ADGRL2: variants seen among roughly 807,000 people sequenced by gnomAD.
ADGRL2 encodes the protein calcium-independent alpha-latrotoxin receptor 2.
In ADGRL2, 44 loss-of-function variants were observed where a neutral mutation model predicts 157.4. The ratio of observed to expected loss-of-function variants is 0.28; its 90% CI spans 0.22 to 0.36. ADGRL2 has a LOEUF of 0.36. Ranked by LOEUF, ADGRL2 falls within the 10% of genes least tolerant of loss-of-function variation. The pLI is 1.00. For synonymous variants in ADGRL2, 585 were observed against 624.7 expected (o/e 0.94, Z 0.95); for missense variants, 1,510 against 1,768.9 (o/e 0.85, Z 2.63).
chr1:81,455,160 C>G (rs2077778160), intron 2 of ADGRL2, among the ~76,000 whole-genome samples: 1 of 152,184 alleles, frequency 6.6e-6, no homozygotes, highest in Non-Finnish European at 1.5e-5. Flanking sequence ...GAAACTTTGA[C>G]TCGTTTTATT....
chr1:81,452,382 G>C (rs1041624850), intron 2 of ADGRL2, among the ~76,000 whole-genome samples: 3 of 152,062 alleles, frequency 2.0e-5, no homozygotes, highest in Non-Finnish European at 4.4e-5. Context: ...GACTCTCATG[G>C]GAGAAACAGC....
At chr1:81,439,942 A>G (rs899220793) in intron 1 of ADGRL2, among the ~76,000 whole-genome samples, 2 of 152,226 alleles carry the variant, frequency 1.3e-5, no homozygotes, top group Admixed American at 1.3e-4. Flanking sequence ...AAATGGCTCT[A>G]AAAGGCTGTC....
intron 1 of ADGRL2, among the ~76,000 whole-genome samples, chr1:81,811,076 T>A (rs939877145): frequency 1.3e-5 from 2 of 151,860 alleles, no homozygotes; most frequent in Non-Finnish European, 2.9e-5. Context: ...TTACGGGTTT[T>A]AAACTAGATC....
intron 2 of ADGRL2, among the ~76,000 whole-genome samples, chr1:81,533,669 C>T (rs1247455258): frequency 6.6e-6 from 1 of 152,170 alleles, no homozygotes; most frequent in African/African-American, 2.4e-5. Flanking sequence ...TCTGAACAAT[C>T]TTAATATCAG....
At chr1:81,982,965 T>C (rs1266597323) in intron 19 of ADGRL2, among the ~76,000 whole-genome samples, 2 of 152,002 alleles carry the variant, frequency 1.3e-5, no homozygotes, top group East Asian at 3.9e-4. Context: ...TGATGTGTTA[T>C]TTAATAACAA....
intron 2 of ADGRL2, among the ~76,000 whole-genome samples, chr1:81,547,832 A>C (rs1166682266): frequency 6.6e-6 from 1 of 152,194 alleles, no homozygotes; most frequent in Non-Finnish European, 1.5e-5. Flanking sequence ...TTAAGGGATA[A>C]GTGTCAGTGC....
intron 2 of ADGRL2, among the ~76,000 whole-genome samples, chr1:81,553,128 G>A (rs1002441643): frequency 1.3e-5 from 2 of 152,008 alleles, no homozygotes; most frequent in Non-Finnish European, 2.9e-5. Flanking sequence ...TGTAAAGGAA[G>A]AATAAATTTT....
chr1:81,339,166 C>T (rs1430919500), intron 1 of ADGRL2, among the ~76,000 whole-genome samples: 3 of 152,138 alleles, frequency 2.0e-5, no homozygotes, highest in Non-Finnish European at 2.9e-5. Context: ...AAGGCCTTCC[C>T]ATGGATTATT....
At chr1:81,649,894 A>G (rs1273589394) in intron 3 of ADGRL2, among the ~76,000 whole-genome samples, 1 of 152,176 alleles carries the variant, frequency 6.6e-6, no homozygotes, top group Non-Finnish European at 1.5e-5. Context: ...ATGATCACTA[A>G]CTGTCTTAAT....
chr1:81,879,283 GAAA>G (rs34149027), intron 2 of ADGRL2, among the ~76,000 whole-genome samples: 2 of 149,800 alleles, frequency 1.3e-5, no homozygotes, highest in African/African-American at 4.9e-5. Context: ...GCAAGCTCAG[GAAA>G]AAAAAAATCT....
upstream of ADGRL2, among the ~76,000 whole-genome samples, chr1:81,698,110 T>C (rs562529914): frequency 6.6e-6 from 1 of 152,208 alleles, no homozygotes; most frequent in South Asian, 2.1e-4. Context: ...TAGCCATTTT[T>C]CAAATAGTTG....
At chr1:81,719,605 T>A (rs2149114863) in intron 1 of ADGRL2, among the ~76,000 whole-genome samples, 1 of 152,160 alleles carries the variant, frequency 6.6e-6, no homozygotes, top group African/African-American at 2.4e-5. Flanking sequence ...CAACCTCACC[T>A]CCCCAGTCAC....
At chr1:81,448,447 A>C (rs1057187421) in intron 2 of ADGRL2, among the ~76,000 whole-genome samples, 10 of 151,928 alleles carry the variant, frequency 6.6e-5, no homozygotes, top group African/African-American at 2.4e-4. Context: ...CACCTGGCCA[A>C]ACCTCTTTTC....
intron 2 of ADGRL2, among the ~76,000 whole-genome samples, chr1:81,554,171 T>C (rs2080216375): frequency 6.6e-6 from 1 of 152,206 alleles, no homozygotes; most frequent in African/African-American, 2.4e-5. Context: ...GAGGTATTTG[T>C]TGTTTGTCAT....
chr1:81,461,927 GA>G (rs1436677889), intron 2 of ADGRL2, among the ~76,000 whole-genome samples: 2 of 39,564 alleles, frequency 5.1e-5, no homozygotes, highest in African/African-American at 1.1e-4. Flanking sequence ...AAGAAAAGAA[GA>G]AAGGGGGGGG....
intron 1 of ADGRL2, among the ~76,000 whole-genome samples, chr1:81,748,180 T>A (rs1349049389): frequency 6.6e-6 from 1 of 151,936 alleles, no homozygotes; most frequent in Non-Finnish European, 1.5e-5. Context: ...CAATTTTTGT[T>A]TGAAAATAAT....
At chr1:81,570,276 T>A (rs1425444686) in intron 2 of ADGRL2, among the ~76,000 whole-genome samples, 1 of 152,150 alleles carries the variant, frequency 6.6e-6, no homozygotes, top group Non-Finnish European at 1.5e-5. Flanking sequence ...ACAGTCTTGG[T>A]TTTTTTGTCT....
chr1:81,485,890 A>G (rs1345275154), intron 2 of ADGRL2, among the ~76,000 whole-genome samples: 1 of 151,994 alleles, frequency 6.6e-6, no homozygotes, highest in Non-Finnish European at 1.5e-5. Context: ...AGAAAACTAA[A>G]GACTCGGACT....
intron 3 of ADGRL2, among the ~76,000 whole-genome samples, chr1:81,925,182 CT>C: frequency 6.6e-6 from 1 of 152,158 alleles, no homozygotes; most frequent in African/African-American, 2.4e-5. Context: ...TTATGTAGCA[CT>C]TTGTTTTTAG....
Sources: gnomAD v4.1 joint callset for allele counts (sites outside exome capture counted in the v4.1 genomes callset) on GRCh38, gnomAD v4.1.1 for gene constraint, MANE v1.5 for transcripts, NCBI Gene and HGNC (gene_info 2026-07-23, HGNC 2026-07-21) for gene names.